ACO2: variants seen among roughly 807,000 people sequenced by gnomAD.
ACO2 encodes aconitase 2.
In ACO2, 31 loss-of-function variants were observed where a neutral mutation model predicts 84.5. That is an observed-to-expected ratio of 0.37 (90% CI 0.28 to 0.50). The LOEUF (loss-of-function observed/expected upper bound fraction) is 0.50. Among genes scored for constraint, ACO2 ranks in the 20% least tolerant of loss-of-function variants. ACO2 has a pLI of 0.97. For synonymous variants in ACO2, 414 were observed against 412.7 expected (o/e 1.00, Z -0.04); for missense variants, 685 against 1,029.3 (o/e 0.67, Z 4.58).
chr22:41,508,546 G>C (rs1012134343), intron 3 of ACO2, among the ~76,000 whole-genome samples: 2 of 152,232 alleles, frequency 1.3e-5, no homozygotes, highest in Non-Finnish European at 2.9e-5. Context: ...ATGAGGGCAC[G>C]ATTAGGGCTC....
At chr22:41,492,804 C>A (rs1453322816) in intron 1 of ACO2, among the ~76,000 whole-genome samples, 1 of 151,672 alleles carries the variant, frequency 6.6e-6, no homozygotes, top group Non-Finnish European at 1.5e-5. Context: ...ATTAGCCAGG[C>A]GTCATGGCAG....
At chr22:41,479,572 A>G (rs962564270) in intron 1 of ACO2, among the ~76,000 whole-genome samples, 2 of 152,134 alleles carry the variant, frequency 1.3e-5, no homozygotes, top group Non-Finnish European at 2.9e-5. Context: ...TGGGCTGGAT[A>G]TAGGGGATAC....
chr22:41,506,720 G>T (rs1230324373), intron 2 of ACO2, among the ~76,000 whole-genome samples: 2 of 152,096 alleles, frequency 1.3e-5, no homozygotes, highest in African/African-American at 4.8e-5. Context: ...CTGACTCCCA[G>T]TCTGAAACTT....
rs141739827 is a variant in ACO2, at chr22:41,518,490, A to G, written c.950A>G (p.Asn317Ser). 92 of 1,613,458 alleles carry G rather than the reference A, an allele frequency of 5.7e-5. No homozygotes were observed. The African/African-American group carries it at 7.3e-4, about 13-fold the overall frequency. ...LSKTGREDIA[N>S]LADEFKDHLV... is the part of the protein sequence containing the mutation. Reference sequence around the variant, plus strand: ...CCCTTGTTGATTTCAGACATTGCCAATCTAGCTGATGAATTCAAGGATCAC... The same window carrying G: ...CCCTTGTTGATTTCAGACATTGCCAGTCTAGCTGATGAATTCAAGGATCAC... The change falls in exon 8 of 18, where the codon AAT (asparagine) becomes AGT (serine). Residue 317 changes from asparagine to serine, a missense_variant. By Grantham distance (46) the Asn-to-Ser change is conservative. Around this residue, in one of 5 missense-constraint regions of ACO2, gnomAD observed 311 missense variants for 441.6 expected, o/e 0.70. Coordinates refer to ENST00000216254, the MANE Select transcript of ACO2 (RefSeq NM_001098.3).
chr22:41,472,461 T>A (rs1325799547), intron 1 of ACO2, among the ~76,000 whole-genome samples: 1 of 152,264 alleles, frequency 6.6e-6, no homozygotes, highest in Non-Finnish European at 1.5e-5. Context: ...CAACTGGCAC[T>A]ATGCTGCTTC....
At position 41,527,947 on chromosome 22, in the gene ACO2, C is replaced by T. The variant is rs746140883; in HGVS notation, c.2133C>T (p.Asp711=). 1 of 1,614,204 alleles carries T rather than the reference C, an allele frequency of 6.2e-7. No individual in the cohort carries two copies. The highest frequency in any genetic ancestry group is 8.5e-7 in the Non-Finnish European group (1 of 1,180,026). ...GCCTGCTGCCTCTGACCTTCGCTGA[C>T]CCGGCTGACTACAACAAGATTCACC... The part of the protein sequence containing the change: ...KQGLLPLTFA[D]PADYNKIHPV... Residue 711 remains aspartate, a synonymous_variant, in exon 17 of 18, where the codon GAC becomes GAT. Coordinates refer to ENST00000216254, the MANE Select transcript of ACO2 (RefSeq NM_001098.3).
chr22:41,487,228 T>G (rs761182112), intron 1 of ACO2, among the ~76,000 whole-genome samples: 22 of 152,188 alleles, frequency 1.4e-4, no homozygotes, highest in Non-Finnish European at 2.2e-4. Flanking sequence ...GCACATGCTG[T>G]TCTCTCTGTG....
chr22:41,516,060 A>C (rs1015509116), intron 6 of ACO2, 143 bp downstream of exon 6: 3 of 1,030,064 alleles, frequency 2.9e-6, no homozygotes, highest in Non-Finnish European at 4.4e-6. Context: ...AGGTAGAAGG[A>C]AAATTGGAGA....
intron 1 of ACO2, among the ~76,000 whole-genome samples, chr22:41,493,935 T>C (rs2066292916): frequency 6.6e-6 from 1 of 152,124 alleles, no homozygotes; most frequent in East Asian, 1.9e-4. Context: ...GGCACATGCC[T>C]GTAATCCCAG....
intron 6 of ACO2, chr22:41,517,188 C>T (rs1344487444): frequency 6.0e-6 from 2 of 332,834 alleles, no homozygotes; most frequent in Non-Finnish European, 1.2e-5. Context: ...TCAGGTCAGC[C>T]TACAGTACGT....
chr22:41,470,220 C>T (rs1210008357), intron 1 of ACO2, among the ~76,000 whole-genome samples: 1 of 152,138 alleles, frequency 6.6e-6, no homozygotes, highest in Non-Finnish European at 1.5e-5. Context: ...AAAAATCAAG[C>T]AAGCATCTGT....
chr22:41,518,062 G>A (rs2066489450), intron 7 of ACO2, among the ~76,000 whole-genome samples: 1 of 152,214 alleles, frequency 6.6e-6, no homozygotes, highest in African/African-American at 2.4e-5. Flanking sequence ...CTCTAGCCTG[G>A]CTTCTTTGGA....
intron 4 of ACO2, 170 bp downstream of exon 4, chr22:41,512,138 ATTATACG>A (rs2066438011): frequency 1.9e-6 from 1 of 532,872 alleles, no homozygotes; most frequent in South Asian, 2.5e-5. Flanking sequence ...TCATTATGTC[ATTATACG>A]TGCTCATTTT....
At chr22:41,474,352 G>A (rs1342750505) in intron 1 of ACO2, among the ~76,000 whole-genome samples, 1 of 147,382 alleles carries the variant, frequency 6.8e-6, no homozygotes, top group Non-Finnish European at 1.5e-5. Context: ...GGGGTGCAGT[G>A]GCGCGATCTC....
intron 7 of ACO2, 111 bp from the exon 8 acceptor site, chr22:41,518,370 C>G (rs1405064637): frequency 1.3e-6 from 1 of 777,972 alleles, no homozygotes; most frequent in Non-Finnish European, 2.2e-6. Context: ...TTGGCCTAGT[C>G]AGTGCCCAGG....
chr22:41,479,800 T>C (rs2267432), intron 1 of ACO2, among the ~76,000 whole-genome samples: 22,511 of 152,202 alleles, frequency 0.15, 2,117 homozygotes, highest in East Asian at 0.28. Context: ...CTGCTGCCTG[T>C]GGGGCCAGAG....
intron 1 of ACO2, among the ~76,000 whole-genome samples, chr22:41,490,717 G>C (rs113603485): frequency 6.6e-6 from 1 of 152,152 alleles, no homozygotes; most frequent in East Asian, 1.9e-4. Context: ...AAGCATCTAA[G>C]ACTGATAAAG....
intron 1 of ACO2, among the ~76,000 whole-genome samples, chr22:41,484,781 T>C (rs2038131644): frequency 6.6e-6 from 1 of 152,124 alleles, no homozygotes; most frequent in Non-Finnish European, 1.5e-5. Context: ...ATACTGCAGA[T>C]ATTATTCTTT....
chr22:41,499,916 G>A, intron 2 of ACO2, 54 bp downstream of exon 2: 1 of 1,598,808 alleles, frequency 6.3e-7, no homozygotes, highest in East Asian at 2.2e-5. Flanking sequence ...TCTGCTGCCT[G>A]CCCGTCAGGC....
Sources: allele counts gnomAD v4.1 joint callset (sites outside exome capture counted in the v4.1 genomes callset), GRCh38; gene constraint gnomAD v4.1.1; regional missense constraint gnomAD v4.1.1; transcripts MANE v1.5; gene names NCBI Gene and HGNC (gene_info 2026-07-23, HGNC 2026-07-21).